Variants in CADPS2 observed in about 807,000 individuals in gnomAD.
CADPS2 encodes the protein calcium-dependent secretion activator 2.
CADPS2 carries 93 observed loss-of-function variants against 172.5 expected under a neutral mutation model. The observed-to-expected ratio is 0.54, with a 90% CI of 0.46 to 0.64. The LOEUF (loss-of-function observed/expected upper bound fraction) is 0.64. Among genes scored for constraint, CADPS2 ranks in the 30% least tolerant of loss-of-function variants. CADPS2 has a pLI of 0.00. For missense variants in CADPS2, 1,420 were observed against 1,565.9 expected (o/e 0.91, Z 1.57); for synonymous variants, 546 against 555.2 (o/e 0.98, Z 0.23).
chr7:122,797,906 G>A (rs977310146), intron 1 of CADPS2, among the ~76,000 whole-genome samples: 6 of 151,820 alleles, frequency 4.0e-5, no homozygotes, highest in African/African-American at 7.3e-5. Flanking sequence ...TCATATGAAT[G>A]TATGATTTTA....
intron 2 of CADPS2, among the ~76,000 whole-genome samples, chr7:122,731,723 AAAC>A (rs1326109923): frequency 4.0e-5 from 6 of 151,768 alleles, no homozygotes. Flanking sequence ...CAGCAGAATC[AAAC>A]AACAATTAGG....
intron 9 of CADPS2, among the ~76,000 whole-genome samples, chr7:122,493,098 A>G (rs1476155301): frequency 1.3e-5 from 2 of 152,194 alleles, no homozygotes; most frequent in Non-Finnish European, 2.9e-5. Context: ...TATCATGAAG[A>G]AAGTAAAAAA....
intron 1 of CADPS2, among the ~76,000 whole-genome samples, chr7:122,879,054 G>A (rs922805427): frequency 7.2e-5 from 11 of 151,842 alleles, no homozygotes; most frequent in African/African-American, 2.7e-4. Context: ...TGGCCAACAT[G>A]GAAAAACCCC....
intron 17 of CADPS2, chr7:122,436,431 C>A: frequency 1.8e-6 from 2 of 1,141,190 alleles, no homozygotes; most frequent in Non-Finnish European, 2.3e-6. Flanking sequence ...CTACCCTTGT[C>A]GTTCATATAA....
chr7:122,412,138 T>C (rs2047390215), intron 19 of CADPS2, among the ~76,000 whole-genome samples: 1 of 152,220 alleles, frequency 6.6e-6, no homozygotes, highest in African/African-American at 2.4e-5. Flanking sequence ...TCTTCCAAGA[T>C]GAGGGACATT....
At chr7:122,443,625 GT>G (rs1250989272) in intron 15 of CADPS2, among the ~76,000 whole-genome samples, 2 of 124,798 alleles carry the variant, frequency 1.6e-5, no homozygotes, top group African/African-American at 6.1e-5. Context: ...TATACACATA[GT>G]TTAAAGAGGA....
At chr7:122,660,919 A>G (rs2080460012) in intron 3 of CADPS2, among the ~76,000 whole-genome samples, 1 of 152,140 alleles carries the variant, frequency 6.6e-6, no homozygotes, top group Admixed American at 6.6e-5. Flanking sequence ...CGGAAAAAAA[A>G]GAAAAACTTC....
At chr7:122,834,754 G>T (rs532494222) in intron 1 of CADPS2, among the ~76,000 whole-genome samples, 1 of 152,304 alleles carries the variant, frequency 6.6e-6, no homozygotes, top group African/African-American at 2.4e-5. Flanking sequence ...ACCTGCCATC[G>T]CTGAGGCTCG....
chr7:122,546,675 C>T (rs552088698), intron 8 of CADPS2, among the ~76,000 whole-genome samples: 1 of 152,126 alleles, frequency 6.6e-6, no homozygotes, highest in Non-Finnish European at 1.5e-5. Flanking sequence ...GTTTATGTAA[C>T]CTTCTGCTCC....
At chr7:122,714,990 C>T in intron 2 of CADPS2, among the ~76,000 whole-genome samples, 1 of 152,108 alleles carries the variant, frequency 6.6e-6, no homozygotes, top group Non-Finnish European at 1.5e-5. Context: ...GAAGACATCT[C>T]CCCTAGAGCT....
At chr7:122,755,996 G>A (rs1008982480) in intron 1 of CADPS2, among the ~76,000 whole-genome samples, 2 of 152,150 alleles carry the variant, frequency 1.3e-5, no homozygotes, top group African/African-American at 4.8e-5. Flanking sequence ...TGTGAAAAGT[G>A]GGATCAGAAC....
At chr7:122,701,182 GTTC>G (rs2086001575) in intron 2 of CADPS2, among the ~76,000 whole-genome samples, 1 of 152,070 alleles carries the variant, frequency 6.6e-6, no homozygotes, top group Non-Finnish European at 1.5e-5. Flanking sequence ...ATATACTAAT[GTTC>G]TTATTTGGAT....
chr7:122,504,044 A>G (rs1166161164), intron 9 of CADPS2, among the ~76,000 whole-genome samples: 2 of 152,200 alleles, frequency 1.3e-5, no homozygotes, highest in African/African-American at 2.4e-5. Flanking sequence ...GGTTTAACAG[A>G]TCAATCTGCT....
At chr7:122,385,629 A>G (rs1182869687) in intron 24 of CADPS2, among the ~76,000 whole-genome samples, 1 of 152,076 alleles carries the variant, frequency 6.6e-6, no homozygotes. Context: ...CTAACCTTGT[A>G]CCTCAGGGAT....
At chr7:122,844,155 T>G (rs1395422277) in intron 1 of CADPS2, among the ~76,000 whole-genome samples, 2 of 152,164 alleles carry the variant, frequency 1.3e-5, no homozygotes, top group Non-Finnish European at 2.9e-5. Context: ...GAGCCTCACC[T>G]GGAGGTGAGA....
At chr7:122,603,465 A>C (rs2133552022) in intron 6 of CADPS2, among the ~76,000 whole-genome samples, 1 of 149,836 alleles carries the variant, frequency 6.7e-6, no homozygotes, top group South Asian at 2.1e-4. Flanking sequence ...GAGCAGAAAA[A>C]AAAAACACTC....
At chr7:122,477,265 C>T (rs923693397) in intron 12 of CADPS2, among the ~76,000 whole-genome samples, 2 of 152,150 alleles carry the variant, frequency 1.3e-5, no homozygotes, top group Non-Finnish European at 2.9e-5. Context: ...GTAATCCCAG[C>T]ACTTTGGGAG....
Position 122,621,599 on chromosome 7 carries a change from C to T in CADPS2, c.986G>A (p.Gly329Asp). 2 of 1,613,698 alleles carry T rather than the reference C, an allele frequency of 1.2e-6. No homozygotes were observed. Among genetic ancestry groups the T allele is most frequent in the African/African-American group, 1.3e-5 (1 of 75,018 alleles). Residue 329 changes from glycine to aspartate, a missense_variant, in exon 5 of 30, where the codon GGT (glycine) becomes GAT (aspartate). Gly to Asp is a moderately conservative substitution (Grantham distance 94). Coordinates refer to ENST00000449022, the MANE Select transcript of CADPS2 (RefSeq NM_017954.11). ...NLESLPVSKG[G>D]PEFKLQKLKR... is the part of the protein sequence containing the mutation. ...TAATTTTTGTAATTTAAATTCCGGA[C>T]CACCTTTCGAAACTGGAAGACTTTC...
At chr7:122,506,965 AC>A (rs1388837742) in intron 9 of CADPS2, among the ~76,000 whole-genome samples, 4 of 152,162 alleles carry the variant, frequency 2.6e-5, no homozygotes, top group Non-Finnish European at 5.9e-5. Context: ...CTTAGTTTCT[AC>A]TCATGTACCA....
Sources: gnomAD v4.1 joint callset for allele counts (sites outside exome capture counted in the v4.1 genomes callset) on GRCh38, gnomAD v4.1.1 for gene constraint, MANE v1.5 for transcripts, NCBI Gene and HGNC (gene_info 2026-07-23, HGNC 2026-07-21) for gene names.